DLGAP1: variants seen among roughly 807,000 people sequenced by gnomAD.
DLGAP1 encodes the protein disks large-associated protein 1.
DLGAP1 carries 11 observed loss-of-function variants against 90.8 expected under a neutral mutation model. That is an observed-to-expected ratio of 0.12 (90% CI 0.08 to 0.20). The LOEUF is 0.20. Ranked by LOEUF, DLGAP1 falls within the 10% of genes least tolerant of loss-of-function variation. The pLI, the probability that DLGAP1 is intolerant of heterozygous loss-of-function variation, is 1.00. For missense variants in DLGAP1, 1,050 were observed against 1,333.8 expected, an observed-to-expected ratio of 0.79 and a Z score of 3.31; for synonymous variants, 558 against 540.7, an observed-to-expected ratio of 1.03 and a Z score of -0.44.
At chr18:4,357,157 C>CTTTTTTTTTTTT (rs554248097) in intron 1 of DLGAP1, among the ~76,000 whole-genome samples, 1 of 108,744 alleles carries the variant, frequency 9.2e-6, no homozygotes, top group Non-Finnish European at 1.7e-5. Flanking sequence ...TGTTTTTTTC[C>CTTTTTTTTTTTT]TTTTTTTTTT....
intron 1 of DLGAP1, among the ~76,000 whole-genome samples, chr18:4,444,375 A>G (rs74910584): frequency 1.6e-3 from 248 of 152,282 alleles, no homozygotes; most frequent in African/African-American, 5.7e-3. Flanking sequence ...TTGGGGAGAG[A>G]GTCATGATTT....
At chr18:3,502,144 C>T (rs2049972856) in intron 12 of DLGAP1, 1 of 1,098,814 alleles carries the variant, frequency 9.1e-7, no homozygotes, top group Non-Finnish European at 1.1e-6. Context: ...AACTCTTGTT[C>T]TATGGATTCA....
chr18:4,011,728 G>C (rs920156644), intron 2 of DLGAP1, among the ~76,000 whole-genome samples: 1 of 152,124 alleles, frequency 6.6e-6, no homozygotes, highest in African/African-American at 2.4e-5. Context: ...GGAGGCTGAG[G>C]TGAGAAGTTC....
chr18:4,423,004 G>A (rs2083074575), intron 1 of DLGAP1, among the ~76,000 whole-genome samples: 1 of 152,086 alleles, frequency 6.6e-6, no homozygotes, highest in Non-Finnish European at 1.5e-5. Context: ...TAGTGCTGCT[G>A]TCCACAAAAT....
intron 1 of DLGAP1, among the ~76,000 whole-genome samples, chr18:4,222,619 A>C (rs2078099741): frequency 6.6e-6 from 1 of 152,206 alleles, no homozygotes; most frequent in Non-Finnish European, 1.5e-5. Context: ...ATATTGAGTA[A>C]AAATATCTTC....
chr18:3,506,445 G>A (rs1385465882), intron 11 of DLGAP1, among the ~76,000 whole-genome samples: 11 of 149,696 alleles, frequency 7.3e-5, no homozygotes, highest in Non-Finnish European at 1.6e-4. Flanking sequence ...CCCAGGAGGC[G>A]GAGGTTGCAG....
At chr18:3,554,747 C>T (rs2053656574) in intron 9 of DLGAP1, among the ~76,000 whole-genome samples, 1 of 152,126 alleles carries the variant, frequency 6.6e-6, no homozygotes, top group Non-Finnish European at 1.5e-5. Flanking sequence ...ACACTGAAAA[C>T]CACACTAAAT....
At chr18:3,521,129 G>A (rs992171832) in intron 10 of DLGAP1, among the ~76,000 whole-genome samples, 7 of 152,138 alleles carry the variant, frequency 4.6e-5, no homozygotes, top group African/African-American at 1.7e-4. Flanking sequence ...CTTTAGAGGA[G>A]CATGTGTAAC....
chr18:4,079,328 CACACACA>C (rs2075570695), intron 2 of DLGAP1, among the ~76,000 whole-genome samples: 2 of 135,084 alleles, frequency 1.5e-5, no homozygotes, highest in African/African-American at 5.7e-5. Context: ...CACACACACA[CACACACA>C]CCATGGAATA....
chr18:3,953,181 T>C (rs1309321652), intron 3 of DLGAP1, among the ~76,000 whole-genome samples: 2 of 152,176 alleles, frequency 1.3e-5, no homozygotes, highest in Non-Finnish European at 2.9e-5. Flanking sequence ...AAAGGGAAAA[T>C]ATTTTTAAAT....
chr18:3,822,530 C>A (rs966004144), intron 4 of DLGAP1, among the ~76,000 whole-genome samples: 3 of 152,198 alleles, frequency 2.0e-5, no homozygotes, highest in African/African-American at 7.2e-5. Context: ...GAGTAAAGAG[C>A]AGCTTTAAGT....
intron 9 of DLGAP1, among the ~76,000 whole-genome samples, chr18:3,547,673 G>A (rs2053140744): frequency 6.6e-6 from 1 of 152,150 alleles, no homozygotes; most frequent in African/African-American, 2.4e-5. Context: ...TGTTGGTGGG[G>A]ATGGTAAAAC....
chr18:4,425,407 A>G (rs2083130238), intron 1 of DLGAP1, among the ~76,000 whole-genome samples: 1 of 152,184 alleles, frequency 6.6e-6, no homozygotes, highest in South Asian at 2.1e-4. Context: ...GGAAGGTGCC[A>G]CGTCCACTTC....
intron 2 of DLGAP1, among the ~76,000 whole-genome samples, chr18:4,009,128 C>T (rs1285612487): frequency 6.6e-6 from 1 of 152,168 alleles, no homozygotes; most frequent in Non-Finnish European, 1.5e-5. Context: ...TGGTTTCGAT[C>T]TCCTGACCTC....
At chr18:4,052,734 A>G (rs1424381012) in intron 2 of DLGAP1, among the ~76,000 whole-genome samples, 1 of 152,088 alleles carries the variant, frequency 6.6e-6, no homozygotes, top group African/African-American at 2.4e-5. Flanking sequence ...TCAGGCTGCA[A>G]ATTTTCCAAA....
chr18:4,323,363 A>C (rs1171711236), intron 1 of DLGAP1, among the ~76,000 whole-genome samples: 1 of 152,208 alleles, frequency 6.6e-6, no homozygotes, highest in Non-Finnish European at 1.5e-5. Context: ...CTATTACAGA[A>C]ACCAGTATGG....
chr18:4,126,681 G>C (rs571513649), intron 2 of DLGAP1, among the ~76,000 whole-genome samples: 1 of 152,202 alleles, frequency 6.6e-6, no homozygotes, highest in African/African-American at 2.4e-5. Context: ...TCATAAAATG[G>C]CTTTTCCCCT....
At chr18:4,045,473 C>A (rs546610822) in intron 2 of DLGAP1, among the ~76,000 whole-genome samples, 1 of 103,218 alleles carries the variant, frequency 9.7e-6, no homozygotes, top group African/African-American at 3.8e-5. Context: ...AAAGCTTGCC[C>A]CTGTAGTCCC....
intron 2 of DLGAP1, among the ~76,000 whole-genome samples, chr18:4,110,646 G>A (rs1297173800): frequency 6.6e-6 from 1 of 152,136 alleles, no homozygotes; most frequent in Non-Finnish European, 1.5e-5. Context: ...TGGGTTCCCT[G>A]TGGGTTTGAT....
Sources: allele counts gnomAD v4.1 joint callset (sites outside exome capture counted in the v4.1 genomes callset), GRCh38; gene constraint gnomAD v4.1.1; transcripts MANE v1.5; gene names NCBI Gene and HGNC (gene_info 2026-07-23, HGNC 2026-07-21).